Variants in GRIPAP1 observed in about 807,000 individuals in gnomAD.
GRIPAP1 encodes GRIP1 associated protein 1.
Under a neutral mutation model 84.1 loss-of-function variants are expected in GRIPAP1, and 14 were observed. The observed-to-expected ratio is 0.17, with a 90% CI of 0.11 to 0.26. The LOEUF (loss-of-function observed/expected upper bound fraction) is 0.26, where lower values mean the gene tolerates loss of function less well. GRIPAP1 is among the 10% of genes least tolerant of loss of function. GRIPAP1 has a pLI of 1.00. For synonymous variants in GRIPAP1, 261 were observed against 256.8 expected (o/e 1.02, Z -0.15); for missense variants, 518 against 674.2 (o/e 0.77, Z 2.57).
At chrX:48,983,503 T>C in intron 15 of GRIPAP1, 63 bp from the exon 16 acceptor site, 1 of 974,593 alleles carries the variant, frequency 1.0e-6, no homozygotes, top group Non-Finnish European at 1.4e-6. Context: ...CCTCCAACCC[T>C]CTTCCCATGC....
chrX:48,993,279 CAGAGA>C, intron 6 of GRIPAP1, 144 bp downstream of exon 6: 3 of 429,356 alleles, frequency 7.0e-6, no homozygotes, highest in Non-Finnish European at 7.6e-6. Flanking sequence ...GGCTTTGGCT[CAGAGA>C]GGTGAAATGG....
chrX:48,984,054 C>A (rs974343103), intron 14 of GRIPAP1, among the ~76,000 whole-genome samples, 184 bp from the exon 15 acceptor site: 2 of 111,851 alleles, frequency 1.8e-5, no homozygotes, highest in Non-Finnish European at 3.8e-5. Flanking sequence ...TCCTTACTTC[C>A]CTAGCAATAA....
intron 11 of GRIPAP1, 25 bp downstream of exon 11, chrX:48,989,586 G>A (rs2064509409): frequency 9.6e-7 from 1 of 1,042,356 alleles, no homozygotes. Context: ...CTACCCCAGG[G>A]ATCTCAGAAC....
rs782246592 is a variant in GRIPAP1 at position 48,985,280 on chromosome X, G to A, written c.1164C>T (p.Asn388=). 8.3e-7 allele frequency: 1 copy of A among 1,208,786 alleles called. No individual in the cohort carries two copies. Among genetic ancestry groups the A allele is most frequent in the East Asian group, 3.0e-5 (1 of 33,818 alleles). Residue 388 remains asparagine (N), a synonymous_variant, in exon 14 of 26, where the codon AAC becomes AAT. Transcript: ENST00000376423. ...EDLMGQKDDL[N]SQLQESLRAN... is the part of the protein sequence containing the mutation. ...CCAAAGGTGTTACCTGGAGCTGGGA[G>A]TTGAGGTCATCTTTCTGTCCCATAA... is the stretch of plus-strand genomic sequence containing the variant.
At position 48,990,954 on chromosome X, in the gene GRIPAP1, A is replaced by G. The variant is rs1258150395; in HGVS notation, c.614T>C (p.Leu205Ser). ...KWEMEKEEKR[L>S]LWEQLQGLES... ...TAAGCCTTGCAGCTGTTCCCAGAGC[A>G]ATCTCTTCTCCTCTTTCTCCATTTC... The change falls in exon 7 of 26, where the codon TTG becomes TCG. Residue 205 changes from leucine to serine, a missense_variant. Physicochemically the swap from Leu to Ser is moderately radical, Grantham distance 145 (BLOSUM62 -2). Coordinates refer to ENST00000376423, the MANE Select transcript of GRIPAP1 (RefSeq NM_020137.5). 8.6e-7 allele frequency: 1 copy of G among 1,167,311 alleles called. No individual in the cohort carries two copies. The highest frequency in any genetic ancestry group is 1.1e-6 in the Non-Finnish European group (1 of 874,241).
intron 13 of GRIPAP1, 86 bp downstream of exon 13, chrX:48,987,699 G>A: frequency 1.7e-6 from 1 of 602,967 alleles, no homozygotes; most frequent in South Asian, 2.5e-5. Flanking sequence ...ATGGGGTCCA[G>A]ACCACCCTAC....
In GRIPAP1 at chrX:48,974,249, T is replaced by C. The variant is rs782543126; in HGVS notation, c.2470A>G (p.Ser824Gly). 1 of 1,208,103 alleles carries C rather than the reference T, an allele frequency of 8.3e-7. No individual in the cohort carries two copies. Among genetic ancestry groups the C allele is most frequent in the Admixed American group, 2.2e-5 (1 of 46,041 alleles). Residue 824 changes from serine (S) to glycine (G), a missense_variant, in exon 26 of 26, where the codon AGC (serine) becomes GGC (glycine). Physicochemically the swap from Ser to Gly is moderately conservative, Grantham distance 56. Around this residue, in one of 5 missense-constraint regions of GRIPAP1, gnomAD observed 30 missense variants for 23.8 expected, o/e 1.26. Transcript: ENST00000376423. Reference sequence around the variant, plus strand: ...TCAGGAGGCCCCACGCACTCCTTGCTGAGCCGCACAATTTCCTGGGACAGA... The same window carrying C: ...TCAGGAGGCCCCACGCACTCCTTGCCGAGCCGCACAATTTCCTGGGACAGA... The part of the protein sequence containing the change: ...EVLSQEIVRL[S>G]KECVGPPDPD...
intron 5 of GRIPAP1, among the ~76,000 whole-genome samples, chrX:48,994,972 TATC>T (rs781810768): frequency 1.8e-5 from 2 of 112,341 alleles, no homozygotes; most frequent in South Asian, 3.7e-4. Context: ...TGTTTACTGT[TATC>T]ATCTTTCTCC....
chrX:48,979,178 G>A (rs183607053), intron 21 of GRIPAP1, among the ~76,000 whole-genome samples: 3 of 110,091 alleles, frequency 2.7e-5, no homozygotes, highest in African/African-American at 9.9e-5. Context: ...CCAGAGCAGA[G>A]ACAGAGAGAA....
chrX:48,974,688 T>C lies in GRIPAP1; in HGVS notation c.2434-403A>G, dbSNP rs111259871. The stretch of plus-strand genomic sequence containing the variant: ...GCAGAAAGATGTGTGTGTGGACCCA[T>C]GGGCATGGGGGATCTATGGTAGACA... On this transcript the variant is annotated intron_variant, in intron 25 of 25. Transcript: ENST00000376423. 4.0e-3 allele frequency among the ~76,000 whole-genome samples: 444 copies of C among 111,793 alleles called. 1 individual carries two copies. Among genetic ancestry groups the C allele is most frequent in the African/African-American group, 0.014 (416 of 30,785 alleles).
intron 17 of GRIPAP1, among the ~76,000 whole-genome samples, chrX:48,982,139 T>C (rs1239755858): frequency 8.9e-6 from 1 of 112,326 alleles, no homozygotes; most frequent in African/African-American, 3.2e-5. Context: ...GTTTTACATA[T>C]ATTAACTCAT....
At chrX:48,984,575 C>T (rs1251335325) in intron 14 of GRIPAP1, among the ~76,000 whole-genome samples, 1 of 108,202 alleles carries the variant, frequency 9.2e-6, no homozygotes, top group Non-Finnish European at 1.9e-5. Flanking sequence ...ATTAGCTGGG[C>T]GTGGTGCCAG....
chrX:49,002,232 TCCTCC>T lies in GRIPAP1; in HGVS notation c.-8_-4del. ...TCCTCAGACAGAGCTTGCGCCATGT[TCCTCC>T]CCCCACCCCCCCGCCAGCTTTCTGC... On this transcript the variant is annotated 5_prime_UTR_variant, in exon 1 of 26. Coordinates refer to ENST00000376423, the MANE Select transcript of GRIPAP1 (RefSeq NM_020137.5). 1 of 1,130,872 alleles carries T rather than the reference TCCTCC, an allele frequency of 8.8e-7. No individual in the cohort carries two copies. Among genetic ancestry groups the T allele is most frequent in the Non-Finnish European group, 1.2e-6 (1 of 830,525 alleles). 93.2% of individuals were successfully genotyped at this position (1,130,872 alleles called of 1,213,427 possible).
chrX:48,979,913 C>T (rs1216963425), intron 21 of GRIPAP1, among the ~76,000 whole-genome samples: 3 of 111,648 alleles, frequency 2.7e-5, no homozygotes, highest in African/African-American at 9.8e-5. Context: ...TTCTTACATT[C>T]ATCTGTGATA....
At position 48,993,548 on chromosome X, in the gene GRIPAP1, C is replaced by T; in HGVS notation, c.337G>A (p.Glu113Lys). Residue 113 changes from glutamate to lysine, a missense_variant, in exon 6 of 26, where the codon GAG becomes AAG. This residue lies in a region of GRIPAP1 where 372 missense variants were observed against 458.1 expected (regional missense o/e 0.81). Coordinates refer to ENST00000376423, the MANE Select transcript of GRIPAP1 (RefSeq NM_020137.5). ...LCSQMEQLEQENQQLKEGAAG... is the reference protein window; with the variant it reads ...LCSQMEQLEQKNQQLKEGAAG... ...GCCCCCTCCTTCAGTTGCTGGTTCT[C>T]TTGCTCCAGCTGTTCCATCTGGCTG... 3 of 1,176,243 alleles carry T rather than the reference C, an allele frequency of 2.6e-6. No individual in the cohort carries two copies. The highest frequency in any genetic ancestry group is 3.4e-6 in the Non-Finnish European group (3 of 876,641).
In GRIPAP1 at chrX:48,998,081, G is replaced by A. The variant is rs2064557261; in HGVS notation, c.198+73C>T. 5 of 766,049 alleles carry A rather than the reference G, an allele frequency of 6.5e-6. No individual in the cohort carries two copies. In the South Asian group the frequency reaches 1.0e-4, roughly 16 times the overall value. 63.1% of individuals were successfully genotyped at this position (766,049 alleles called of 1,213,427 possible). On this transcript the variant is annotated intron_variant, in intron 4 of 25. Coordinates refer to ENST00000376423, the MANE Select transcript of GRIPAP1 (RefSeq NM_020137.5). ...CACAAAGAAAGAAAGGCCAGTACAAGGAAATATCAGCATACAGAAATAGCC... is the reference window on the plus strand; with the variant it reads ...CACAAAGAAAGAAAGGCCAGTACAAAGAAATATCAGCATACAGAAATAGCC...
Position 48,989,830 on chromosome X carries a change from G to C in GRIPAP1, c.770+5C>G. 1 of 1,206,629 alleles carries C rather than the reference G, an allele frequency of 8.3e-7. No individual in the cohort carries two copies. Among genetic ancestry groups the C allele is most frequent in the Non-Finnish European group, 1.1e-6 (1 of 891,038 alleles). The stretch of plus-strand genomic sequence containing the variant: ...TCCACCAATACCCGCAAATCTGGCA[G>C]TTACCTGCTGTCATTAAACAGAGTC... On this transcript the variant is annotated splice_donor_5th_base_variant and intron_variant, in intron 10 of 25. Coordinates refer to ENST00000376423, the MANE Select transcript of GRIPAP1 (RefSeq NM_020137.5).
intron 5 of GRIPAP1, among the ~76,000 whole-genome samples, chrX:48,996,317 A>AT (rs1191821191): frequency 1.8e-5 from 2 of 111,856 alleles, no homozygotes; most frequent in Non-Finnish European, 3.8e-5. Context: ...TAGAAATACC[A>AT]TTTTTGGGCC....
At position 48,981,584 on chromosome X, in the gene GRIPAP1, G is replaced by C; in HGVS notation, c.1773+12C>G. 1 of 1,187,884 alleles carries C rather than the reference G, an allele frequency of 8.4e-7. No individual in the cohort carries two copies. The highest frequency in any genetic ancestry group is 1.1e-6 in the Non-Finnish European group (1 of 873,890). On this transcript the variant is annotated intron_variant, in intron 19 of 25. Coordinates refer to ENST00000376423, the MANE Select transcript of GRIPAP1 (RefSeq NM_020137.5). ...TCAGGGGTGTGTCTGGGGCTGTGCA[G>C]TGACCACTGACCTGCTTCAGGCTGC...
Sources: gnomAD v4.1 joint callset for allele counts (sites outside exome capture counted in the v4.1 genomes callset) on GRCh38, gnomAD v4.1.1 for gene constraint, gnomAD v4.1.1 regional missense constraint, MANE v1.5 for transcripts, NCBI Gene and HGNC (gene_info 2026-07-23, HGNC 2026-07-21) for gene names.